MBNL2: variants seen among roughly 807,000 people sequenced by gnomAD.
MBNL2 encodes muscleblind like splicing regulator 2.
Under a neutral mutation model 41.9 loss-of-function variants are expected in MBNL2, and 17 were observed. The observed-to-expected ratio is 0.41, with a 90% CI of 0.28 to 0.61. The LOEUF (loss-of-function observed/expected upper bound fraction) is 0.61. Ranked by LOEUF, MBNL2 falls within the 20% of genes least tolerant of loss-of-function variation. The pLI is 0.35. For synonymous variants in MBNL2, 195 were observed against 182.9 expected (o/e 1.07, Z -0.53); for missense variants, 336 against 505.6 (o/e 0.66, Z 3.22).
the MBNL2 span, among the ~76,000 whole-genome samples, chr13:97,207,186 AG>A: frequency 6.6e-6 from 1 of 152,240 alleles, no homozygotes; most frequent in Non-Finnish European, 1.5e-5. Flanking sequence ...ACTAAAAACC[AG>A]CAATCAATAA....
At chr13:97,351,623 T>C (rs1033444218) in intron 5 of MBNL2, among the ~76,000 whole-genome samples, 2 of 152,264 alleles carry the variant, frequency 1.3e-5, no homozygotes, top group Admixed American at 6.5e-5. Flanking sequence ...GATGGCTTCT[T>C]TTCTTCAACC....
chr13:97,383,197 G>A (rs1453570354), intron 8 of MBNL2, among the ~76,000 whole-genome samples: 1 of 152,154 alleles, frequency 6.6e-6, no homozygotes, highest in Non-Finnish European at 1.5e-5. Flanking sequence ...ATTCCCCCAG[G>A]GGAGCTAGGA....
chr13:97,298,601 T>C (rs1322448853), intron 2 of MBNL2, among the ~76,000 whole-genome samples: 1 of 152,248 alleles, frequency 6.6e-6, no homozygotes, highest in Non-Finnish European at 1.5e-5. Context: ...ATAATGTCTG[T>C]CTCACCTTTT....
intron 8 of MBNL2, among the ~76,000 whole-genome samples, chr13:97,371,533 C>CTGAT (rs569070914): frequency 5.3e-4 from 80 of 152,144 alleles, no homozygotes; most frequent in African/African-American, 1.8e-3. Flanking sequence ...AGGTTTGATT[C>CTGAT]TGATTGATTG....
the MBNL2 span, among the ~76,000 whole-genome samples, chr13:97,193,648 C>G: frequency 6.6e-6 from 1 of 152,116 alleles, no homozygotes; most frequent in African/African-American, 2.4e-5. Context: ...ACTCTGGCTA[C>G]TAGGTGGAGA....
At chr13:97,143,853 G>C in the MBNL2 span, among the ~76,000 whole-genome samples, 1 of 151,952 alleles carries the variant, frequency 6.6e-6, no homozygotes, top group African/African-American at 2.4e-5. Flanking sequence ...GGTTTGTTTT[G>C]ATTTTTTTGA....
intron 7 of MBNL2, among the ~76,000 whole-genome samples, chr13:97,359,588 T>C: frequency 6.7e-6 from 1 of 149,114 alleles, no homozygotes. Context: ...TTTTTGTTGA[T>C]GAAATGTATC....
the MBNL2 span, among the ~76,000 whole-genome samples, chr13:97,164,942 C>A: frequency 6.6e-6 from 1 of 152,162 alleles, no homozygotes; most frequent in Non-Finnish European, 1.5e-5. Context: ...TGGTGGCTCA[C>A]GCCTGTAATC....
In MBNL2 at chr13:97,379,812, G is replaced by A. The variant is rs146189244; in HGVS notation, c.1049-11510G>A. On this transcript the variant is annotated intron_variant, in intron 8 of 8. Coordinates refer to ENST00000679496, the MANE Select transcript of MBNL2 (RefSeq NM_001382683.1). ...GGAATGAGGAGACATTCTGGAGATGGAGGGTGGTGATGGTGGCACAACCAG... is the reference window on the plus strand; with the variant it reads ...GGAATGAGGAGACATTCTGGAGATGAAGGGTGGTGATGGTGGCACAACCAG... 1.5e-3 allele frequency among the ~76,000 whole-genome samples: 226 copies of A among 152,316 alleles called. 1 individual carries two copies. The highest frequency in any genetic ancestry group is 5.3e-3 in the African/African-American group (221 of 41,574).
chr13:97,299,932 A>C (rs1020789747), intron 2 of MBNL2, among the ~76,000 whole-genome samples: 1 of 152,138 alleles, frequency 6.6e-6, no homozygotes, highest in Non-Finnish European at 1.5e-5. Flanking sequence ...GTGAGCAAAA[A>C]GCTTACTCTT....
chr13:97,278,219 A>C (rs1055030049), intron 2 of MBNL2, among the ~76,000 whole-genome samples: 1 of 133,340 alleles, frequency 7.5e-6, no homozygotes, highest in African/African-American at 2.9e-5. Context: ...GCCCCACTGC[A>C]CTCCAGCCTG....
chr13:97,157,755 A>G, the MBNL2 span, among the ~76,000 whole-genome samples: 103 of 140,912 alleles, frequency 7.3e-4, no homozygotes, highest in African/African-American at 1.5e-3. Context: ...CCACTTGATC[A>G]TGGTGGATAA....
Position 97,228,529 on chromosome 13 carries a change from C to CTTTTT in MBNL2, c.-605+6011_-605+6015dup, listed in dbSNP as rs5806008. ...TAATTTCAGTTTTTATATTTATTATCTTTTTTTTTTTTTTTTTGAGACAGA... is the reference window on the plus strand; with the variant it reads ...TAATTTCAGTTTTTATATTTATTATCTTTTTTTTTTTTTTTTTTTTTTGAGACAGA... On this transcript the variant is annotated intron_variant, in intron 1 of 8. Coordinates refer to ENST00000679496, the MANE Select transcript of MBNL2 (RefSeq NM_001382683.1). Among the ~76,000 whole-genome samples the CTTTTT allele has an allele frequency of 6.9e-4, 89 of 128,104 alleles. 2 individuals carry two copies. Among genetic ancestry groups the CTTTTT allele is most frequent in the African/African-American group, 2.6e-3 (87 of 34,066 alleles). The allele number at this position is 128,104 out of a possible 152,430, so 84.0% of individuals were successfully genotyped here. A position where few individuals can be genotyped will look rare whatever the true frequency, so the allele number is the denominator to read the frequency against.
chr13:97,356,781 G>C lies in MBNL2; in HGVS notation c.805-15G>C, dbSNP rs1455376093. 7.4e-7 allele frequency: 1 copy of C among 1,360,504 alleles called. No homozygotes were observed. The highest frequency in any genetic ancestry group is 9.8e-7 in the Non-Finnish European group (1 of 1,016,394). The allele number at this position is 1,360,504 out of a possible 1,614,324, so 84.3% of individuals were successfully genotyped here. On this transcript the variant is annotated splice_polypyrimidine_tract_variant and intron_variant, in intron 5 of 8. Transcript: ENST00000679496. The stretch of plus-strand genomic sequence containing the variant: ...GGCCCACTGCCATCATGTGCTCGCT[G>C]CCTGTTATTAAAAGACTCAGTCGAC...
rs76002521 is a variant in MBNL2, at chr13:97,276,941, T to C, written c.174+532T>C. On this transcript the variant is annotated intron_variant, in intron 2 of 8. Transcript: ENST00000679496. ...TTGAGAATCTACTTCATGTGAGTTA[T>C]ATGACAAAAGAAACTAAAGTGATTC... 5.3e-5 allele frequency among the ~76,000 whole-genome samples: 8 copies of C among 152,280 alleles called. No individual in the cohort carries two copies. In the East Asian group the frequency reaches 1.5e-3, roughly 29 times the overall value.
intron 1 of MBNL2, among the ~76,000 whole-genome samples, chr13:97,259,729 G>A (rs2048249836): frequency 6.6e-6 from 1 of 152,078 alleles, no homozygotes; most frequent in African/African-American, 2.4e-5. Flanking sequence ...GAAATTGTTG[G>A]GGCCTCTCTG....
At chr13:97,380,310 A>G (rs1273942715) in intron 8 of MBNL2, among the ~76,000 whole-genome samples, 1 of 152,170 alleles carries the variant, frequency 6.6e-6, no homozygotes, top group African/African-American at 2.4e-5. Flanking sequence ...CCTGGCCAAC[A>G]TGGTGAAACC....
At chr13:97,155,858 C>A in the MBNL2 span, among the ~76,000 whole-genome samples, 1 of 147,142 alleles carries the variant, frequency 6.8e-6, no homozygotes, top group Non-Finnish European at 1.5e-5. Flanking sequence ...AATAAACATA[C>A]GTGTGCATGT....
chr13:97,233,621 A>T lies in MBNL2; in HGVS notation c.-605+11090A>T, dbSNP rs1004935784. On this transcript the variant is annotated intron_variant, in intron 1 of 8. Coordinates refer to ENST00000679496, the MANE Select transcript of MBNL2 (RefSeq NM_001382683.1). ...AAGTATCAGCCTCCTGGCAGCCACCACAAAGACCATCCCCTCAGGAAACAA... is the reference window on the plus strand; with the variant it reads ...AAGTATCAGCCTCCTGGCAGCCACCTCAAAGACCATCCCCTCAGGAAACAA... Among the ~76,000 whole-genome samples, 37 of 151,426 alleles carry T rather than the reference A, an allele frequency of 2.4e-4. 2 individuals are homozygous for T. Among genetic ancestry groups the T allele is most frequent in the Admixed American group, 9.9e-4 (15 of 15,200 alleles).
Sources: gnomAD v4.1 joint callset for allele counts (sites outside exome capture counted in the v4.1 genomes callset) on GRCh38, gnomAD v4.1.1 for gene constraint, MANE v1.5 for transcripts, NCBI Gene and HGNC (gene_info 2026-07-23, HGNC 2026-07-21) for gene names.